IFNGR2: variants seen among roughly 807,000 people sequenced by gnomAD.
IFNGR2 encodes the protein IFN-gamma receptor 2.
A neutral mutation model predicts 41.1 loss-of-function variants in IFNGR2; 15 were observed. The observed-to-expected ratio is 0.37, with a 90% confidence interval of 0.24 to 0.56. IFNGR2 has a LOEUF of 0.56. Among genes scored for constraint, IFNGR2 ranks in the 20% least tolerant of loss-of-function variants. The pLI is 0.81. For synonymous variants in IFNGR2, 161 were observed against 171.6 expected (o/e 0.94, Z 0.48); for missense variants, 362 against 415.7 (o/e 0.87, Z 1.12).
chr21:33,432,890 C>CTTT lies in IFNGR2; in HGVS notation c.879+30_879+32dup, dbSNP rs143248516. The CTTT allele has an allele frequency of 1.2e-4, 180 of 1,477,600 alleles. No homozygotes were observed. Among genetic ancestry groups the CTTT allele is most frequent in the Admixed American group, 2.2e-4 (12 of 54,714 alleles). The allele number at this position is 1,477,600 out of a possible 1,614,324, so 91.5% of individuals were successfully genotyped here. A position where few individuals can be genotyped will look rare whatever the true frequency, so the allele number is the denominator to read the frequency against. On this transcript the variant is annotated intron_variant, in intron 6 of 6. Coordinates refer to ENST00000290219, the MANE Select transcript of IFNGR2 (RefSeq NM_005534.4). ...AGAAGAGGTACGTGTGCACACATCTCTTTTTTTTTTTTTGAGACAGGGTCT... is the reference window on the plus strand; with the variant it reads ...AGAAGAGGTACGTGTGCACACATCTCTTTTTTTTTTTTTTTTGAGACAGGGTCT...
intron 1 of IFNGR2, among the ~76,000 whole-genome samples, chr21:33,413,872 G>A (rs1376028763): frequency 5.9e-5 from 7 of 118,818 alleles, no homozygotes; most frequent in East Asian, 2.6e-4. Flanking sequence ...TCTCTCTGTC[G>A]CCCAGACTGG....
intron 6 of IFNGR2, among the ~76,000 whole-genome samples, chr21:33,436,018 G>A (rs1340727114): frequency 3.3e-5 from 5 of 151,992 alleles, no homozygotes; most frequent in South Asian, 2.1e-4. Context: ...CCGAGATCGC[G>A]CCACTGCACT....
intron 1 of IFNGR2, among the ~76,000 whole-genome samples, chr21:33,407,866 G>A (rs1053902170): frequency 7.0e-4 from 6 of 8,598 alleles, no homozygotes; most frequent in African/African-American, 2.7e-3. Flanking sequence ...GCCAACCCCC[G>A]CCAGCCTCAG....
At chr21:33,435,882 CA>C (rs35251279) in intron 6 of IFNGR2, among the ~76,000 whole-genome samples, 10,763 of 47,350 alleles carry the variant, frequency 0.23, 311 homozygotes, top group South Asian at 0.28. Context: ...GACTCCGTCT[CA>C]AAAAAAAAAA....
chr21:33,404,633 T>C (rs541300271), intron 1 of IFNGR2, among the ~76,000 whole-genome samples: 2 of 152,240 alleles, frequency 1.3e-5, no homozygotes, highest in African/African-American at 4.8e-5. Context: ...CTCACTGTGT[T>C]GCCCAGGCTG....
At chr21:33,423,023 G>T (rs1258540924) in intron 3 of IFNGR2, among the ~76,000 whole-genome samples, 1 of 147,818 alleles carries the variant, frequency 6.8e-6, no homozygotes, top group Non-Finnish European at 1.5e-5. Context: ...GTTTGTTAAT[G>T]ATCTTCCCTC....
In IFNGR2 at chr21:33,437,419, G is replaced by T; in HGVS notation, c.*457G>T. The T allele has an allele frequency of 6.2e-6, 1 of 161,360 alleles. No individual in the cohort carries two copies. The highest frequency in any genetic ancestry group is 6.1e-5 in the Admixed American group (1 of 16,388). 10.0% of individuals were successfully genotyped at this position (161,360 alleles called of 1,614,324 possible). On this transcript the variant is annotated 3_prime_UTR_variant, in exon 7 of 7. Transcript: ENST00000290219. Reference sequence around the variant, plus strand: ...CCTTCATGTACATCCATGGTGTGCTGGCTTAAAATGTAATTAATCTTGTAA... The same window carrying T: ...CCTTCATGTACATCCATGGTGTGCTTGCTTAAAATGTAATTAATCTTGTAA...
At chr21:33,430,141 A>AAAAC (rs201515262) in intron 4 of IFNGR2, among the ~76,000 whole-genome samples, 2 of 152,278 alleles carry the variant, frequency 1.3e-5, no homozygotes, top group South Asian at 2.1e-4. Flanking sequence ...TCCGTCTCAA[A>AAAAC]AAACAAACAA....
At chr21:33,408,199 T>TTTTG (rs912104841) in intron 1 of IFNGR2, among the ~76,000 whole-genome samples, 1 of 152,066 alleles carries the variant, frequency 6.6e-6, no homozygotes. Flanking sequence ...CTCCTATTCT[T>TTTTG]TTTGTTTGTT....
chr21:33,425,136 T>C (rs2083825197), intron 3 of IFNGR2, among the ~76,000 whole-genome samples: 1 of 152,150 alleles, frequency 6.6e-6, no homozygotes, highest in South Asian at 2.1e-4. Context: ...GCCAGACTGG[T>C]CTTGAACTCC....
Position 33,417,833 on chromosome 21 carries a change from G to A in IFNGR2, c.206+2813G>A, listed in dbSNP as rs17882674. On this transcript the variant is annotated intron_variant, in intron 2 of 6. Transcript: ENST00000290219. ...GCTGATTTATGGGCTCCTTGGCCTT[G>A]AACAAGGAAGTACGTTTACTGATTT... 6.6e-3 allele frequency among the ~76,000 whole-genome samples: 1,000 copies of A among 151,792 alleles called. 13 individuals carry two copies. Among genetic ancestry groups the A allele is most frequent in the African/African-American group, 0.023 (963 of 41,358 alleles).
At chr21:33,431,095 A>G (rs2083882104) in intron 4 of IFNGR2, among the ~76,000 whole-genome samples, 1 of 152,160 alleles carries the variant, frequency 6.6e-6, no homozygotes, top group South Asian at 2.1e-4. Context: ...GAACCTTCCT[A>G]GAGTCTAGGG....
At chr21:33,414,597 G>A (rs763291551) in intron 1 of IFNGR2, among the ~76,000 whole-genome samples, 1 of 152,118 alleles carries the variant, frequency 6.6e-6, no homozygotes. Context: ...ACCCCAGTCC[G>A]GCCAGACTCC....
intron 1 of IFNGR2, among the ~76,000 whole-genome samples, chr21:33,414,559 T>C (rs1330144154): frequency 6.6e-6 from 1 of 152,164 alleles, no homozygotes; most frequent in Non-Finnish European, 1.5e-5. Flanking sequence ...GCCCCGAGCC[T>C]AATGCAGTTA....
chr21:33,407,339 TG>T, intron 1 of IFNGR2, among the ~76,000 whole-genome samples: 1 of 151,924 alleles, frequency 6.6e-6, no homozygotes, highest in South Asian at 2.1e-4. Flanking sequence ...GAATGTCCAC[TG>T]GGTAAGCTCC....
intron 4 of IFNGR2, among the ~76,000 whole-genome samples, chr21:33,431,760 T>A: frequency 6.6e-6 from 1 of 152,150 alleles, no homozygotes; most frequent in East Asian, 1.9e-4. Flanking sequence ...TAGTAGAGAC[T>A]GGGTTTTGCA....
rs928856924 is a variant in IFNGR2, at chr21:33,408,108, G to T, written c.73+4492G>T. 2.6e-5 allele frequency among the ~76,000 whole-genome samples: 4 copies of T among 152,208 alleles called. No homozygotes were observed. In the South Asian group the frequency reaches 8.3e-4, roughly 32 times the overall value. ...CAGTCCTTAATTATCAAGATTAAAT[G>T]ATTAATGTTAATTATATTTTATTTT... On this transcript the variant is annotated intron_variant, in intron 1 of 6. Coordinates refer to ENST00000290219, the MANE Select transcript of IFNGR2 (RefSeq NM_005534.4).
intron 2 of IFNGR2, among the ~76,000 whole-genome samples, chr21:33,417,396 T>C (rs1314705702): frequency 1.3e-5 from 2 of 152,186 alleles, no homozygotes; most frequent in African/African-American, 4.8e-5. Flanking sequence ...GCGTTTCTTA[T>C]TTGTTTTTAA....
intron 4 of IFNGR2, among the ~76,000 whole-genome samples, chr21:33,431,293 G>A (rs1408456729): frequency 6.6e-6 from 1 of 152,208 alleles, no homozygotes; most frequent in East Asian, 1.9e-4. Context: ...ATGTTGGCCA[G>A]GCGCGGTGGC....
Sources: allele counts gnomAD v4.1 joint callset (sites outside exome capture counted in the v4.1 genomes callset), GRCh38; gene constraint gnomAD v4.1.1; transcripts MANE v1.5; gene names NCBI Gene and HGNC (gene_info 2026-07-23, HGNC 2026-07-21).